GRIA1: variants seen among roughly 807,000 people sequenced by gnomAD.
The protein encoded by GRIA1 is glutamate receptor 1.
In GRIA1, 31 loss-of-function variants were observed where a neutral mutation model predicts 99.2. The ratio of observed to expected loss-of-function variants is 0.31; its 90% CI spans 0.23 to 0.42. GRIA1 has a LOEUF of 0.42. GRIA1 is among the 10% of genes least tolerant of loss of function. The pLI is 1.00. For synonymous variants in GRIA1, 438 were observed against 432.4 expected (o/e 1.01, Z -0.16); for missense variants, 782 against 1,157.5 (o/e 0.68, Z 4.71).
rs111512964 is a variant in GRIA1 at position 153,756,639 on chromosome 5, A to G, written c.1824-7795A>G. On this transcript the variant is annotated intron_variant, in intron 11 of 15. Coordinates refer to ENST00000285900, the MANE Select transcript of GRIA1 (RefSeq NM_000827.4). ...CCCATCTTTCCCATACAGCTCCAGT[A>G]CCCGCCTTGACTCTTCTCTAGGTCC... Among the ~76,000 whole-genome samples the G allele has an allele frequency of 6.0e-3, 918 of 152,154 alleles. 10 individuals carry two copies. The highest frequency in any genetic ancestry group is 0.021 in the African/African-American group (877 of 41,520).
Position 153,575,228 on chromosome 5 carries a change from A to T in GRIA1, c.221-71700A>T, listed in dbSNP as rs926943759. Among the ~76,000 whole-genome samples the T allele has an allele frequency of 3.5e-5, 5 of 142,596 alleles. No homozygotes were observed. The East Asian group carries it at 1.2e-3, about 34-fold the overall frequency. The allele number at this position is 142,596 out of a possible 152,430, so 93.5% of individuals were successfully genotyped here. On this transcript the variant is annotated intron_variant, in intron 2 of 15. Transcript: ENST00000285900. ...GAGAGAGAGAGAGAGAGAGCTGTTT[A>T]AAAAAAGAAGAACAATATACTTGGA...
chr5:153,570,389 AGT>A (rs1450189431), intron 2 of GRIA1, among the ~76,000 whole-genome samples: 1 of 152,212 alleles, frequency 6.6e-6, no homozygotes, highest in African/African-American at 2.4e-5. Context: ...GCTATCAAAC[AGT>A]GTTGCTCAGC....
intron 2 of GRIA1, among the ~76,000 whole-genome samples, chr5:153,579,389 CAAGAAATAAAAATATCCAGAGAT>C (rs923066047): frequency 3.3e-5 from 5 of 152,114 alleles, no homozygotes; most frequent in African/African-American, 1.2e-4. Context: ...TATTTAACCT[CAAGAAATAAAAATATCCAGAGAT>C]AATATGATGA....
At chr5:153,777,070 T>C (rs1764304200) in intron 13 of GRIA1, among the ~76,000 whole-genome samples, 1 of 152,144 alleles carries the variant, frequency 6.6e-6, no homozygotes, top group Non-Finnish European at 1.5e-5. Context: ...CCAACTTCGG[T>C]GTGTATCAAA....
chr5:153,742,425 A>C (rs1157614714), intron 11 of GRIA1, among the ~76,000 whole-genome samples: 1 of 152,200 alleles, frequency 6.6e-6, no homozygotes, highest in Non-Finnish European at 1.5e-5. Flanking sequence ...CTTAAATCTT[A>C]CAGCGGCTTA....
At chr5:153,692,152 T>A (rs1485234901) in intron 8 of GRIA1, among the ~76,000 whole-genome samples, 1 of 152,206 alleles carries the variant, frequency 6.6e-6, no homozygotes, top group African/African-American at 2.4e-5. Flanking sequence ...TGTGCCTCCT[T>A]GTCATTCAGG....
At chr5:153,751,830 GA>G (rs1042580952) in intron 11 of GRIA1, among the ~76,000 whole-genome samples, 13 of 152,158 alleles carry the variant, frequency 8.5e-5, no homozygotes, top group African/African-American at 3.1e-4. Flanking sequence ...TTAACAAAAG[GA>G]AAAAAGATCC....
chr5:153,729,811 T>C (rs941254741), intron 11 of GRIA1, among the ~76,000 whole-genome samples: 1 of 152,026 alleles, frequency 6.6e-6, no homozygotes, highest in Non-Finnish European at 1.5e-5. Flanking sequence ...ACCCTCAAAT[T>C]TGTTTGAGGG....
At chr5:153,511,286 C>T (rs577669980) in intron 2 of GRIA1, among the ~76,000 whole-genome samples, 44 of 152,164 alleles carry the variant, frequency 2.9e-4, no homozygotes, top group Non-Finnish European at 5.4e-4. Context: ...ACCTGGTTGG[C>T]TGAATCATTG....
chr5:153,724,302 C>A (rs947894838), intron 11 of GRIA1, among the ~76,000 whole-genome samples: 258 of 145,430 alleles, frequency 1.8e-3, no homozygotes, highest in African/African-American at 6.2e-3. Flanking sequence ...GGGAAAAAAA[C>A]AGAGCAGAAA....
At chr5:153,618,058 G>T (rs931534715) in intron 2 of GRIA1, among the ~76,000 whole-genome samples, 1 of 152,172 alleles carries the variant, frequency 6.6e-6, no homozygotes, top group African/African-American at 2.4e-5. Flanking sequence ...TTGGTTTCTT[G>T]TATGCTGGTT....
intron 7 of GRIA1, among the ~76,000 whole-genome samples, chr5:153,685,645 C>T (rs1406605001): frequency 1.3e-5 from 2 of 152,224 alleles, no homozygotes; most frequent in African/African-American, 4.8e-5. Flanking sequence ...CCTGAGGGCA[C>T]TTGGCTATTA....
intron 11 of GRIA1, among the ~76,000 whole-genome samples, chr5:153,756,995 A>G (rs1205105111): frequency 6.6e-6 from 1 of 152,222 alleles, no homozygotes. Flanking sequence ...CCCTAAAGAG[A>G]TGGAAATATA....
intron 11 of GRIA1, among the ~76,000 whole-genome samples, chr5:153,720,405 CAGGAAACCCTTCAAGAGA>C (rs1193316626): frequency 1.3e-5 from 2 of 152,160 alleles, no homozygotes; most frequent in Non-Finnish European, 2.9e-5. Context: ...TATTTTGCCA[CAGGAAACCCTTCAAGAGA>C]TCTGAACACT....
At chr5:153,747,444 A>C (rs1430593716) in intron 11 of GRIA1, among the ~76,000 whole-genome samples, 4 of 152,150 alleles carry the variant, frequency 2.6e-5, no homozygotes, top group South Asian at 2.1e-4. Context: ...TCAACATGAG[A>C]TTTGGATGAG....
rs1044353925 is a variant in GRIA1, at chr5:153,547,544, T to A, written c.220+53479T>A. Among the ~76,000 whole-genome samples, 4 of 152,120 alleles carry A rather than the reference T, an allele frequency of 2.6e-5. No homozygotes were observed. The East Asian group carries it at 7.7e-4, about 29-fold the overall frequency. On this transcript the variant is annotated intron_variant, in intron 2 of 15. Transcript: ENST00000285900. The stretch of plus-strand genomic sequence containing the variant: ...CTACTTCTTATTCCCCATGTGGGAG[T>A]TGTAACTCAACACTTCTCTCCCCTA...
chr5:153,801,910 G>T (rs1036378074), intron 14 of GRIA1, among the ~76,000 whole-genome samples: 2 of 141,394 alleles, frequency 1.4e-5, no homozygotes, highest in Non-Finnish European at 3.1e-5. Flanking sequence ...CATAAACAAT[G>T]AGTGAGGCCA....
Position 153,813,472 on chromosome 5 carries a change from G to A in GRIA1, c.*2247G>A, listed in dbSNP as rs1446568484. 3 of 152,224 alleles carry A rather than the reference G, an allele frequency of 2.0e-5. No homozygotes were observed. In the East Asian group the frequency reaches 5.8e-4, roughly 29 times the overall value. The allele number at this position is 152,224 out of a possible 1,614,324, so 9.4% of individuals were successfully genotyped here. A position where few individuals can be genotyped will look rare whatever the true frequency, so the allele number is the denominator to read the frequency against. On this transcript the variant is annotated 3_prime_UTR_variant, in exon 16 of 16. Coordinates refer to ENST00000285900, the MANE Select transcript of GRIA1 (RefSeq NM_000827.4). ...GAAATGAGGGTCTATGCTATGAGGG[G>A]GTCCAAGACTCTGGCGAAATGTGCT...
At chr5:153,621,019 T>C (rs1766990794) in intron 2 of GRIA1, among the ~76,000 whole-genome samples, 1 of 152,206 alleles carries the variant, frequency 6.6e-6, no homozygotes, top group Admixed American at 6.5e-5. Context: ...CAGGCAACAA[T>C]TAATTCATGA....
Sources: gnomAD v4.1 joint callset for allele counts (sites outside exome capture counted in the v4.1 genomes callset) on GRCh38, gnomAD v4.1.1 for gene constraint, MANE v1.5 for transcripts, NCBI Gene and HGNC (gene_info 2026-07-23, HGNC 2026-07-21) for gene names.